Variants in MARCHF1 observed in about 807,000 individuals in gnomAD.
MARCHF1 encodes E3 ubiquitin-protein ligase MARCHF1.
MARCHF1 carries 40 observed loss-of-function variants against 54.2 expected under a neutral mutation model. The ratio of observed to expected loss-of-function variants is 0.74; its 90% CI spans 0.57 to 0.96. MARCHF1 has a LOEUF of 0.96. Ranked by LOEUF, MARCHF1 falls within the 40% of genes least tolerant of loss-of-function variation. The pLI, the probability that MARCHF1 is intolerant of heterozygous loss-of-function variation, is 0.00. For missense variants in MARCHF1, 586 were observed against 656.5 expected (o/e 0.89, Z 1.17); for synonymous variants, 236 against 236.3 (o/e 1.00, Z 0.01).
At chr4:164,153,401 C>A (rs1324576258) in intron 1 of MARCHF1, among the ~76,000 whole-genome samples, 1 of 151,954 alleles carries the variant, frequency 6.6e-6, no homozygotes, top group Non-Finnish European at 1.5e-5. Flanking sequence ...GGAAAAATAA[C>A]CATTGAAATA....
At chr4:164,160,720 A>G (rs1289814672) in intron 1 of MARCHF1, among the ~76,000 whole-genome samples, 1 of 152,160 alleles carries the variant, frequency 6.6e-6, no homozygotes. Context: ...TCTTTCTCTC[A>G]TTACAAAACT....
chr4:164,189,563 G>C, intron 1 of MARCHF1: 1 of 919,082 alleles, frequency 1.1e-6, no homozygotes, highest in Admixed American at 1.7e-5. Flanking sequence ...GTAGTGCATG[G>C]TGCTGCTGTC....
chr4:163,639,409 G>A (rs556750108), intron 5 of MARCHF1, among the ~76,000 whole-genome samples: 10 of 152,224 alleles, frequency 6.6e-5, no homozygotes, highest in Non-Finnish European at 1.0e-4. Context: ...GTGATTCTTC[G>A]AGAGAAACAG....
chr4:163,623,671 A>G (rs1560980761), intron 5 of MARCHF1, among the ~76,000 whole-genome samples: 2 of 152,226 alleles, frequency 1.3e-5, no homozygotes, highest in Non-Finnish European at 1.5e-5. Context: ...CTTTGGAATC[A>G]GCTAACTTCA....
At position 164,356,349 on chromosome 4, in the gene MARCHF1, A is replaced by G. The variant is rs548590907; in HGVS notation, c.-323+27521T>C. Reference sequence around the variant, plus strand: ...TATTGTGGCATTATTCACAATAGAAAAGACTTGGAACCAACCCAAATGTCC... The same window carrying G: ...TATTGTGGCATTATTCACAATAGAAGAGACTTGGAACCAACCCAAATGTCC... On this transcript the variant is annotated intron_variant, in intron 1 of 9. Coordinates refer to ENST00000514618, the MANE Select transcript of MARCHF1 (RefSeq NM_001394959.1). Among the ~76,000 whole-genome samples the G allele has an allele frequency of 3.5e-3, 495 of 142,494 alleles. 5 individuals are homozygous for G. The highest frequency in any genetic ancestry group is 0.012 in the African/African-American group (476 of 39,528). 93.5% of individuals were successfully genotyped at this position (142,494 alleles called of 152,430 possible).
intron 4 of MARCHF1, among the ~76,000 whole-genome samples, chr4:163,775,311 T>G (rs1374151069): frequency 1.3e-5 from 2 of 152,198 alleles, no homozygotes; most frequent in Non-Finnish European, 2.9e-5. Flanking sequence ...TCCCCTAATA[T>G]TGTATTATGT....
intron 2 of MARCHF1, among the ~76,000 whole-genome samples, chr4:164,054,943 A>C (rs1426560077): frequency 2.0e-5 from 3 of 152,184 alleles, no homozygotes; most frequent in African/African-American, 7.2e-5. Context: ...ATTTTAAAAA[A>C]AAGAAAATTA....
chr4:164,071,167 A>C (rs909169731), intron 2 of MARCHF1, among the ~76,000 whole-genome samples: 2 of 152,208 alleles, frequency 1.3e-5, no homozygotes, highest in African/African-American at 2.4e-5. Context: ...GACCTTTTTC[A>C]AATGTAAAAA....
chr4:163,532,906 C>T (rs140200590), intron 9 of MARCHF1, among the ~76,000 whole-genome samples: 1 of 152,068 alleles, frequency 6.6e-6, no homozygotes, highest in Non-Finnish European at 1.5e-5. Context: ...AATTCTCATT[C>T]ATTGCTGATA....
At chr4:164,151,651 T>C (rs1212271230) in intron 1 of MARCHF1, among the ~76,000 whole-genome samples, 6 of 152,144 alleles carry the variant, frequency 3.9e-5, no homozygotes, top group Non-Finnish European at 8.8e-5. Flanking sequence ...GCCTCTCCTA[T>C]TCCACTGGAG....
At chr4:163,985,660 C>T (rs894838592) in intron 3 of MARCHF1, among the ~76,000 whole-genome samples, 3 of 152,100 alleles carry the variant, frequency 2.0e-5, no homozygotes, top group African/African-American at 7.2e-5. Flanking sequence ...CAAGTTAATA[C>T]ATTAGTTAAG....
chr4:164,238,057 C>T (rs1312414800), intron 1 of MARCHF1, among the ~76,000 whole-genome samples: 1 of 151,876 alleles, frequency 6.6e-6, no homozygotes, highest in Admixed American at 6.6e-5. Flanking sequence ...TCTGGAAAAC[C>T]ACTAAAAGGA....
chr4:163,620,769 C>T, intron 5 of MARCHF1, among the ~76,000 whole-genome samples: 1 of 151,970 alleles, frequency 6.6e-6, no homozygotes, highest in East Asian at 1.9e-4. Context: ...TTTGTGTATG[C>T]ACAGAAAAAA....
intron 1 of MARCHF1, among the ~76,000 whole-genome samples, chr4:164,371,004 G>A (rs974503847): frequency 1.3e-5 from 2 of 152,100 alleles, no homozygotes; most frequent in African/African-American, 4.8e-5. Flanking sequence ...GAATGAGAAT[G>A]AGGAGAATTC....
At chr4:163,745,207 G>C (rs1259508874) in intron 4 of MARCHF1, among the ~76,000 whole-genome samples, 7 of 151,350 alleles carry the variant, frequency 4.6e-5, no homozygotes, top group African/African-American at 1.7e-4. Context: ...CTGTTTTTTG[G>C]GTTCAAGCCA....
At chr4:164,109,070 C>A (rs1755772482) in intron 2 of MARCHF1, among the ~76,000 whole-genome samples, 1 of 151,946 alleles carries the variant, frequency 6.6e-6, no homozygotes, top group African/African-American at 2.4e-5. Flanking sequence ...TCGACTGGGA[C>A]CATTGTTGAG....
intron 5 of MARCHF1, among the ~76,000 whole-genome samples, chr4:163,615,118 C>T (rs1345900161): frequency 1.4e-5 from 2 of 147,750 alleles, no homozygotes; most frequent in Non-Finnish European, 3.1e-5. Flanking sequence ...ACTACTGGAT[C>T]CCAGGACGTG....
At chr4:163,630,071 A>G in intron 5 of MARCHF1, among the ~76,000 whole-genome samples, 1 of 152,198 alleles carries the variant, frequency 6.6e-6, no homozygotes, top group East Asian at 1.9e-4. Context: ...TAACCTAATC[A>G]TTCTTTTATA....
At chr4:164,004,152 G>C (rs1255895253) in intron 2 of MARCHF1, among the ~76,000 whole-genome samples, 1 of 151,894 alleles carries the variant, frequency 6.6e-6, no homozygotes, top group African/African-American at 2.4e-5. Flanking sequence ...TGGGGAGAGA[G>C]AACATCAAGA....
Sources: gnomAD v4.1 joint callset for allele counts (sites outside exome capture counted in the v4.1 genomes callset) on GRCh38, gnomAD v4.1.1 for gene constraint, MANE v1.5 for transcripts, NCBI Gene and HGNC (gene_info 2026-07-23, HGNC 2026-07-21) for gene names.